Variants in TANGO2 observed in about 807,000 individuals in gnomAD.
TANGO2 encodes the protein transport and golgi organization 2 homolog.
Under a neutral mutation model 39.1 loss-of-function variants are expected in TANGO2, and 26 were observed. The observed-to-expected ratio is 0.67, with a 90% CI of 0.49 to 0.92. TANGO2 has a LOEUF of 0.92. Among genes scored for constraint, TANGO2 ranks in the 40% least tolerant of loss-of-function variants. The pLI is 0.00. For synonymous variants in TANGO2, 131 were observed against 144.5 expected, an observed-to-expected ratio of 0.91 and a Z score of 0.67; for missense variants, 326 against 360.1, an observed-to-expected ratio of 0.91 and a Z score of 0.77.
At chr22:20,017,943 G>A (rs944607318), upstream of TANGO2, among the ~76,000 whole-genome samples, 4 of 152,140 alleles carry the variant, frequency 2.6e-5, no homozygotes, top group African/African-American at 7.2e-5. Context: ...CCAGTTCCTC[G>A]GCTCATTGCA....
intron 3 of TANGO2, among the ~76,000 whole-genome samples, chr22:20,049,426 C>T (rs1036835796): frequency 1.3e-5 from 2 of 152,014 alleles, no homozygotes; most frequent in East Asian, 1.9e-4. Flanking sequence ...TTTGGGAGAC[C>T]GAGGTGGGCA....
At chr22:20,045,746 G>A (rs1054152788) in intron 3 of TANGO2, among the ~76,000 whole-genome samples, 3 of 151,878 alleles carry the variant, frequency 2.0e-5, no homozygotes, top group African/African-American at 4.8e-5. Context: ...CAGGTGATCC[G>A]CCCGCCTTGT....
chr22:20,022,235 C>T (rs1353367950), intron 1 of TANGO2, among the ~76,000 whole-genome samples: 1 of 152,224 alleles, frequency 6.6e-6, no homozygotes, highest in Admixed American at 6.5e-5. Context: ...TCATTCAGAG[C>T]CAGGGCCTGC....
At chr22:20,053,275 G>A in intron 4 of TANGO2, 162 bp from the exon 5 acceptor site, 1 of 591,478 alleles carries the variant, frequency 1.7e-6, no homozygotes, top group Non-Finnish European at 3.1e-6. Context: ...TGGCAGCCAG[G>A]CTAATGAGGT....
At chr22:20,041,433 C>A (rs1159459891) in intron 2 of TANGO2, among the ~76,000 whole-genome samples, 1 of 152,034 alleles carries the variant, frequency 6.6e-6, no homozygotes, top group African/African-American at 2.4e-5. Flanking sequence ...CTGCCTCAGC[C>A]TCCCGAGTAG....
At chr22:20,033,639 G>T (rs758184458) in intron 1 of TANGO2, among the ~76,000 whole-genome samples, 2 of 152,236 alleles carry the variant, frequency 1.3e-5, no homozygotes, top group African/African-American at 2.4e-5. Flanking sequence ...AGCTGGCAGG[G>T]CTTCTCCAGT....
intron 7 of TANGO2, 164 bp from the exon 8 acceptor site, chr22:20,063,174 G>C (rs898762572): frequency 3.4e-6 from 2 of 585,086 alleles, no homozygotes; most frequent in Admixed American, 6.2e-5. Flanking sequence ...GAAAATAAGA[G>C]AAAAGAGAAG....
Position 20,045,377 on chromosome 22 carries a change from T to C in TANGO2, c.145+1934T>C, listed in dbSNP as rs558767895. Among the ~76,000 whole-genome samples the C allele has an allele frequency of 5.5e-3, 836 of 151,730 alleles. 5 individuals carry two copies. Among genetic ancestry groups the C allele is most frequent in the Non-Finnish European group, 6.3e-3 (428 of 67,926 alleles). On this transcript the variant is annotated intron_variant, in intron 3 of 8. Transcript: ENST00000327374. ...TCGCCTGAGCCTGGAAGGTAGAAGCTGCAGTGAACCGAGACTGAGCCACTG... is the reference window on the plus strand; with the variant it reads ...TCGCCTGAGCCTGGAAGGTAGAAGCCGCAGTGAACCGAGACTGAGCCACTG...
chr22:20,052,216 G>C (rs2046467628), intron 3 of TANGO2, among the ~76,000 whole-genome samples: 1 of 152,246 alleles, frequency 6.6e-6, no homozygotes, highest in South Asian at 2.1e-4. Flanking sequence ...GATAGGTGTG[G>C]TTGGTGTCAT....
chr22:20,031,434 C>T (rs1463092421), intron 1 of TANGO2, among the ~76,000 whole-genome samples: 4 of 152,212 alleles, frequency 2.6e-5, no homozygotes, highest in Non-Finnish European at 5.9e-5. Context: ...TGCCCTGCTG[C>T]GCTGTGCTGG....
intron 2 of TANGO2, among the ~76,000 whole-genome samples, chr22:20,037,575 A>G (rs1007857128): frequency 1.3e-5 from 2 of 152,260 alleles, no homozygotes; most frequent in Non-Finnish European, 2.9e-5. Flanking sequence ...GCAAAGTTGC[A>G]TAGACACCAT....
chr22:20,044,881 C>G (rs889400655), intron 3 of TANGO2, among the ~76,000 whole-genome samples: 5 of 152,186 alleles, frequency 3.3e-5, no homozygotes, highest in African/African-American at 1.2e-4. Context: ...CCCTGGCACC[C>G]AGGTCTGTCA....
intron 1 of TANGO2, among the ~76,000 whole-genome samples, chr22:20,021,996 G>A (rs991684788): frequency 2.0e-5 from 3 of 152,244 alleles, no homozygotes; most frequent in African/African-American, 7.2e-5. Context: ...GCACTGTCGT[G>A]TGGCTCTAGA....
At chr22:20,034,218 G>A (rs1272269519) in intron 1 of TANGO2, among the ~76,000 whole-genome samples, 6 of 149,260 alleles carry the variant, frequency 4.0e-5, no homozygotes, top group South Asian at 2.1e-4. Context: ...AAAAAAAACC[G>A]AGTTCCTTTT....
Position 20,063,434 on chromosome 22 carries a change from C to T in TANGO2, c.702C>T (p.Tyr234=), listed in dbSNP as rs73389745. The change falls in exon 8 of 9, where the codon TAC becomes TAT. Residue 234 remains tyrosine, a synonymous_variant. Transcript: ENST00000327374. ...CTGTGTGCGTGCGCTGCCCTGGCTA[C>T]GGCACCAGGTATTGCAGCACCGTGG... The part of the protein sequence containing the change: ...YAAVCVRCPG[Y]GTRTNTIILV... 6.4e-3 allele frequency: 10,333 copies of T among 1,612,272 alleles called. 482 individuals carry two copies. The African/African-American group carries it at 0.11, about 17-fold the overall frequency.
In TANGO2 at chr22:20,042,827, A is replaced by G. The variant is rs941408427; in HGVS notation, c.57-528A>G. ...GATTCATAATGCAAAAAAACTAGTA[A>G]AACAGTGAAGTTCCCATCCACTCCC... is the stretch of plus-strand genomic sequence containing the variant. On this transcript the variant is annotated intron_variant, in intron 2 of 8. Transcript: ENST00000327374. Among the ~76,000 whole-genome samples, 10 of 152,196 alleles carry G rather than the reference A, an allele frequency of 6.6e-5. No individual in the cohort carries two copies. The East Asian group carries it at 9.6e-4, about 15-fold the overall frequency.
At chr22:20,039,225 T>C (rs2043437896) in intron 2 of TANGO2, among the ~76,000 whole-genome samples, 2 of 150,664 alleles carry the variant, frequency 1.3e-5, no homozygotes, top group Non-Finnish European at 3.0e-5. Flanking sequence ...TGAGCCACCA[T>C]GCCCGGCCTC....
intron 1 of TANGO2, among the ~76,000 whole-genome samples, chr22:20,032,741 C>T (rs1273662311): frequency 3.3e-5 from 5 of 152,208 alleles, no homozygotes; most frequent in Non-Finnish European, 5.9e-5. Context: ...ACCTTGAGGG[C>T]GAGCTCTGTG....
chr22:20,019,595 C>T (rs937529655), upstream of TANGO2, among the ~76,000 whole-genome samples: 9 of 152,216 alleles, frequency 5.9e-5, no homozygotes, highest in African/African-American at 2.2e-4. Flanking sequence ...TTACTGCATC[C>T]CTCTTTGTGG....
Sources: gnomAD v4.1 joint callset for allele counts (sites outside exome capture counted in the v4.1 genomes callset) on GRCh38, gnomAD v4.1.1 for gene constraint, MANE v1.5 for transcripts, NCBI Gene and HGNC (gene_info 2026-07-23, HGNC 2026-07-21) for gene names.